GXYLT2: variants seen among roughly 807,000 people sequenced by gnomAD.
The protein encoded by GXYLT2 is glucoside xylosyltransferase 2.
GXYLT2 carries 53 observed loss-of-function variants against 45.8 expected under a neutral mutation model. The observed-to-expected ratio is 1.16, with a 90% CI of 0.93 to 1.46. The LOEUF (loss-of-function observed/expected upper bound fraction) is 1.46. Among genes scored for constraint, GXYLT2 ranks in the 40% most tolerant of loss-of-function variants. The pLI is 0.00. For synonymous variants in GXYLT2, 219 were observed against 214.2 expected (o/e 1.02, Z -0.19); for missense variants, 551 against 544.4 (o/e 1.01, Z -0.12).
At chr3:72,889,907 G>T (rs200864973) in intron 1 of GXYLT2, among the ~76,000 whole-genome samples, 1,632 of 118,572 alleles carry the variant, frequency 0.014, 16 homozygotes, top group East Asian at 0.044. Context: ...TTTTTTTTTT[G>T]TTTTTTTTTT....
intron 1 of GXYLT2, among the ~76,000 whole-genome samples, chr3:72,891,700 A>G (rs1350629495): frequency 6.6e-6 from 1 of 152,238 alleles, no homozygotes; most frequent in Non-Finnish European, 1.5e-5. Context: ...TAAAAGACAC[A>G]TATACAATAA....
intron 2 of GXYLT2, among the ~76,000 whole-genome samples, chr3:72,920,073 A>G (rs960736291): frequency 3.3e-5 from 5 of 151,748 alleles, no homozygotes; most frequent in Admixed American, 3.3e-4. Context: ...ATTTCTGCTC[A>G]ATTTTTCTTT....
chr3:72,964,049 A>G (rs986702617), intron 5 of GXYLT2, among the ~76,000 whole-genome samples: 2 of 152,024 alleles, frequency 1.3e-5, no homozygotes, highest in African/African-American at 2.4e-5. Flanking sequence ...AGCTAAAGCA[A>G]TCCTCCCACC....
chr3:72,924,049 C>A (rs1709877052), intron 3 of GXYLT2, among the ~76,000 whole-genome samples: 1 of 151,904 alleles, frequency 6.6e-6, no homozygotes, highest in South Asian at 2.1e-4. Context: ...TATACAAAGG[C>A]CCTAAGGTGG....
chr3:72,915,388 A>G (rs1383734488), intron 2 of GXYLT2, among the ~76,000 whole-genome samples: 3 of 116,974 alleles, frequency 2.6e-5, no homozygotes, highest in Non-Finnish European at 5.0e-5. Context: ...AAAATAGCCC[A>G]TAGAAAGAGA....
chr3:72,902,333 C>A (rs1328763761), intron 1 of GXYLT2, among the ~76,000 whole-genome samples: 1 of 152,156 alleles, frequency 6.6e-6, no homozygotes, highest in Non-Finnish European at 1.5e-5. Flanking sequence ...TTCTCCACAT[C>A]CTAAGTACAT....
chr3:72,948,609 C>A (rs901851182), intron 3 of GXYLT2, among the ~76,000 whole-genome samples: 7 of 152,184 alleles, frequency 4.6e-5, no homozygotes, highest in African/African-American at 1.7e-4. Context: ...GAGGCCAAGG[C>A]GGGTGGATCA....
At chr3:72,913,593 T>C (rs1440016983) in intron 2 of GXYLT2, among the ~76,000 whole-genome samples, 2 of 151,600 alleles carry the variant, frequency 1.3e-5, no homozygotes, top group Non-Finnish European at 2.9e-5. Context: ...TACTCGGGAG[T>C]CTGAGGCATG....
intron 3 of GXYLT2, chr3:72,929,069 C>T (rs1709975681): frequency 4.4e-6 from 7 of 1,586,302 alleles, no homozygotes; most frequent in Non-Finnish European, 5.1e-6. Flanking sequence ...CTCGCAGGTG[C>T]GCCAGAGCTA....
intron 3 of GXYLT2, among the ~76,000 whole-genome samples, chr3:72,942,025 C>T (rs1710311427): frequency 6.6e-6 from 1 of 151,820 alleles, no homozygotes; most frequent in Non-Finnish European, 1.5e-5. Flanking sequence ...TGCAAGATGC[C>T]CCTGGAGTTA....
At chr3:72,925,337 G>A (rs899881279) in intron 3 of GXYLT2, among the ~76,000 whole-genome samples, 1 of 151,884 alleles carries the variant, frequency 6.6e-6, no homozygotes, top group Admixed American at 6.6e-5. Flanking sequence ...TGTATTTTTA[G>A]TAGAGACAGG....
At position 72,888,208 on chromosome 3, in the gene GXYLT2, G is replaced by GGCCGCC. The variant is rs1015286524; in HGVS notation, c.-14_-9dup. The stretch of plus-strand genomic sequence containing the variant: ...GCGCAGAGGGGCCGAGCCGCCTGGG[G>GGCCGCC]GCCGCCGCCGCCGCCGCGCCGCACC... On this transcript the variant is annotated 5_prime_UTR_variant, in exon 1 of 7. Coordinates refer to ENST00000389617, the MANE Select transcript of GXYLT2 (RefSeq NM_001080393.2). 33 of 985,792 alleles carry GGCCGCC rather than the reference G, an allele frequency of 3.3e-5. No homozygotes were observed. Among genetic ancestry groups the GGCCGCC allele is most frequent in the African/African-American group, 7.1e-5 (4 of 56,346 alleles). 61.1% of individuals were successfully genotyped at this position (985,792 alleles called of 1,614,324 possible).
intron 1 of GXYLT2, among the ~76,000 whole-genome samples, chr3:72,900,664 C>A (rs1010697324): frequency 2.0e-5 from 3 of 151,858 alleles, no homozygotes; most frequent in African/African-American, 7.3e-5. Flanking sequence ...GTGATCCACC[C>A]GCCTCGGCCT....
chr3:72,949,055 C>T (rs957110542), intron 3 of GXYLT2, among the ~76,000 whole-genome samples: 3 of 152,048 alleles, frequency 2.0e-5, no homozygotes, highest in Non-Finnish European at 2.9e-5. Flanking sequence ...GGATTGGATG[C>T]GGGCAGTATG....
At chr3:72,911,993 G>GTGTATATATATA (rs1381632448) in intron 2 of GXYLT2, among the ~76,000 whole-genome samples, 16 of 122,894 alleles carry the variant, frequency 1.3e-4, no homozygotes, top group African/African-American at 5.6e-4. Flanking sequence ...GTGTGTGTGT[G>GTGTATATATATA]TATATATATA....
At chr3:72,961,172 G>A (rs1156377251) in intron 5 of GXYLT2, among the ~76,000 whole-genome samples, 2 of 152,162 alleles carry the variant, frequency 1.3e-5, no homozygotes, top group African/African-American at 2.4e-5. Context: ...GTGAGCCAAC[G>A]CAGCTTCATC....
intron 2 of GXYLT2, among the ~76,000 whole-genome samples, chr3:72,910,633 C>T (rs190263896): frequency 3.3e-5 from 5 of 152,282 alleles, no homozygotes; most frequent in South Asian, 2.1e-4. Context: ...AGGTTTGGGA[C>T]GGAAGTAGAC....
intron 3 of GXYLT2, among the ~76,000 whole-genome samples, chr3:72,943,835 C>G (rs1710347073): frequency 6.6e-6 from 1 of 151,768 alleles, no homozygotes; most frequent in African/African-American, 2.4e-5. Context: ...ATTGCTTGCA[C>G]CTTTCCATTG....
chr3:72,950,063 A>ATGCC (rs111775744), intron 3 of GXYLT2, among the ~76,000 whole-genome samples: 2 of 151,906 alleles, frequency 1.3e-5, no homozygotes, highest in Non-Finnish European at 2.9e-5. Context: ...CAGGCCAGGC[A>ATGCC]TGTAATCCCA....
Sources: allele counts gnomAD v4.1 joint callset (sites outside exome capture counted in the v4.1 genomes callset), GRCh38; gene constraint gnomAD v4.1.1; transcripts MANE v1.5; gene names NCBI Gene and HGNC (gene_info 2026-07-23, HGNC 2026-07-21).